Variants in SPAG16 observed in about 807,000 individuals in gnomAD.
The protein encoded by SPAG16 is sperm associated antigen 16, also known as sperm-associated antigen 16 protein.
SPAG16 carries 86 observed loss-of-function variants against 80.4 expected under a neutral mutation model. The observed-to-expected ratio is 1.07, with a 90% CI of 0.90 to 1.28. The LOEUF (loss-of-function observed/expected upper bound fraction) is 1.28. Ranked by LOEUF, SPAG16 falls within the 50% of genes most tolerant of loss-of-function variation. SPAG16 has a pLI of 0.00. For synonymous variants in SPAG16, 294 were observed against 265.9 expected (o/e 1.11, Z -1.03); for missense variants, 870 against 765.3 (o/e 1.14, Z -1.61).
At position 213,906,737 on chromosome 2, in the gene SPAG16, A is replaced by T. The variant is rs573064106; in HGVS notation, c.1215-23223A>T. Among the ~76,000 whole-genome samples the T allele has an allele frequency of 2.4e-4, 37 of 152,322 alleles. No homozygotes were observed. In the South Asian group the frequency reaches 7.0e-3, roughly 29 times the overall value. ...CATATTTACAGCCAACTGATTTTCA[A>T]CAAAGGCACCCAGAACATACAATAG... On this transcript the variant is annotated intron_variant, in intron 11 of 15. Transcript: ENST00000331683.
intron 9 of SPAG16, among the ~76,000 whole-genome samples, chr2:213,432,753 A>T (rs1575577795): frequency 6.6e-6 from 1 of 152,200 alleles, no homozygotes; most frequent in East Asian, 1.9e-4. Flanking sequence ...TCATTCTATT[A>T]GGCCAGTATC....
chr2:214,346,814 G>T (rs1373572376), intron 15 of SPAG16, among the ~76,000 whole-genome samples: 2 of 152,078 alleles, frequency 1.3e-5, no homozygotes, highest in South Asian at 2.1e-4. Flanking sequence ...AAGCTGTTCT[G>T]AACTCACAAC....
chr2:214,274,052 G>T (rs985052801), intron 15 of SPAG16, among the ~76,000 whole-genome samples: 2 of 152,050 alleles, frequency 1.3e-5, no homozygotes, highest in Non-Finnish European at 2.9e-5. Context: ...TATTCTCTTT[G>T]TAGCAATTGT....
At chr2:213,583,051 C>G (rs1477765931) in intron 10 of SPAG16, among the ~76,000 whole-genome samples, 1 of 151,984 alleles carries the variant, frequency 6.6e-6, no homozygotes, top group Non-Finnish European at 1.5e-5. Flanking sequence ...GCAAATTAGG[C>G]CATTGTTTCT....
intron 10 of SPAG16, among the ~76,000 whole-genome samples, chr2:213,695,231 C>A (rs1421627567): frequency 6.6e-6 from 1 of 152,178 alleles, no homozygotes; most frequent in Non-Finnish European, 1.5e-5. Context: ...CCGACTGCAA[C>A]TTTTTCTTAC....
chr2:213,854,106 TTA>T (rs1326579421), intron 10 of SPAG16, among the ~76,000 whole-genome samples: 18 of 152,218 alleles, frequency 1.2e-4, no homozygotes, highest in Admixed American at 1.0e-3. Flanking sequence ...TGTGAAAGTG[TTA>T]TTTATGATGG....
chr2:213,975,267 A>G (rs2106393162), intron 12 of SPAG16, among the ~76,000 whole-genome samples: 1 of 151,282 alleles, frequency 6.6e-6, no homozygotes, highest in African/African-American at 2.4e-5. Flanking sequence ...AATATTTACA[A>G]CGTGAAAAAG....
intron 10 of SPAG16, among the ~76,000 whole-genome samples, chr2:213,778,490 A>T: frequency 6.6e-6 from 1 of 152,146 alleles, no homozygotes; most frequent in Non-Finnish European, 1.5e-5. Flanking sequence ...ATTACGGACC[A>T]TATCAACCCT....
At chr2:214,195,699 AG>A (rs1442574561) in intron 15 of SPAG16, among the ~76,000 whole-genome samples, 2 of 152,026 alleles carry the variant, frequency 1.3e-5, no homozygotes, top group African/African-American at 4.8e-5. Flanking sequence ...ACTGGGCAAA[AG>A]TAGAAAACAG....
At chr2:213,289,015 G>GA (rs1052717139) in intron 1 of SPAG16, among the ~76,000 whole-genome samples, 6 of 152,122 alleles carry the variant, frequency 3.9e-5, no homozygotes, top group South Asian at 2.1e-4. Flanking sequence ...TATTTGGAGA[G>GA]AAAAAAAATG....
intron 10 of SPAG16, among the ~76,000 whole-genome samples, chr2:213,493,450 A>T (rs1351463326): frequency 6.6e-6 from 1 of 152,216 alleles, no homozygotes; most frequent in Non-Finnish European, 1.5e-5. Context: ...GACAGATTTT[A>T]AATTAAATTA....
intron 8 of SPAG16, among the ~76,000 whole-genome samples, chr2:213,366,014 C>T (rs1224215219): frequency 7.4e-5 from 11 of 147,970 alleles, no homozygotes; most frequent in African/African-American, 1.7e-4. Context: ...TAGTGGCGGG[C>T]GCCTGTAGTC....
intron 5 of SPAG16, among the ~76,000 whole-genome samples, chr2:213,329,152 G>A (rs867071567): frequency 6.6e-6 from 1 of 152,146 alleles, no homozygotes; most frequent in African/African-American, 2.4e-5. Flanking sequence ...GTGTGAAAAT[G>A]GATTAATACA....
intron 10 of SPAG16, among the ~76,000 whole-genome samples, chr2:213,610,947 A>C (rs1381526644): frequency 6.6e-6 from 1 of 152,224 alleles, no homozygotes; most frequent in Non-Finnish European, 1.5e-5. Flanking sequence ...GGGTCTATTC[A>C]GTAAACATTA....
intron 11 of SPAG16, among the ~76,000 whole-genome samples, chr2:213,921,259 A>G (rs2078210955): frequency 1.3e-5 from 2 of 152,168 alleles, no homozygotes; most frequent in Non-Finnish European, 2.9e-5. Flanking sequence ...TATTGCCATT[A>G]TATAGTGCTC....
intron 9 of SPAG16, among the ~76,000 whole-genome samples, chr2:213,415,944 A>T (rs2069228913): frequency 6.6e-6 from 1 of 152,228 alleles, no homozygotes. Context: ...GATGTAGAGG[A>T]GTTGGTTAAT....
At chr2:213,285,567 T>A (rs2062025124) in intron 1 of SPAG16, among the ~76,000 whole-genome samples, 1 of 152,198 alleles carries the variant, frequency 6.6e-6, no homozygotes, top group Non-Finnish European at 1.5e-5. Context: ...AATTCAAGAT[T>A]TCAGAAATCC....
At chr2:213,475,346 A>G (rs2073316037) in intron 9 of SPAG16, among the ~76,000 whole-genome samples, 1 of 152,126 alleles carries the variant, frequency 6.6e-6, no homozygotes, top group Admixed American at 6.6e-5. Flanking sequence ...CCTGCCTAAA[A>G]TGATTTTTAG....
At chr2:213,426,371 C>T (rs1413318436) in intron 9 of SPAG16, among the ~76,000 whole-genome samples, 1 of 151,644 alleles carries the variant, frequency 6.6e-6, no homozygotes. Flanking sequence ...AATGAGCACC[C>T]AAATTTTCTT....
Sources: allele counts gnomAD v4.1 joint callset (sites outside exome capture counted in the v4.1 genomes callset), GRCh38; gene constraint gnomAD v4.1.1; transcripts MANE v1.5; gene names NCBI Gene and HGNC (gene_info 2026-07-23, HGNC 2026-07-21).